Variants in DST observed in about 807,000 individuals in gnomAD.
DST encodes the protein dystonin.
A neutral mutation model predicts 875.2 loss-of-function variants in DST; 253 were observed. The observed-to-expected ratio is 0.29, with a 90% CI of 0.26 to 0.32. The LOEUF (loss-of-function observed/expected upper bound fraction) is 0.32. Ranked by LOEUF, DST falls within the 10% of genes least tolerant of loss-of-function variation. The pLI, the probability that DST is intolerant of heterozygous loss-of-function variation, is 1.00. For missense variants in DST, 8,287 were observed against 9,111.6 expected (o/e 0.91, Z 3.68); for synonymous variants, 3,124 against 3,197.1 (o/e 0.98, Z 0.77).
intron 4 of DST, among the ~76,000 whole-genome samples, chr6:56,752,813 C>T (rs1457019833): frequency 1.3e-5 from 2 of 151,668 alleles, no homozygotes; most frequent in Admixed American, 6.6e-5. Flanking sequence ...TTTTTTGAGA[C>T]GGAGTTTTGC....
At chr6:56,941,656 A>G (rs1300385314) in intron 2 of DST, among the ~76,000 whole-genome samples, 1 of 152,014 alleles carries the variant, frequency 6.6e-6, no homozygotes, top group Non-Finnish European at 1.5e-5. Context: ...TAATTTTTGT[A>G]TTTTTGGAGA....
intron 4 of DST, among the ~76,000 whole-genome samples, chr6:56,749,139 C>T (rs1271657906): frequency 6.6e-6 from 1 of 152,018 alleles, no homozygotes; most frequent in African/African-American, 2.4e-5. Context: ...GGGCAGATCA[C>T]CTCAGGTCAG....
intron 15 of DST, 147 bp downstream of exon 15, chr6:56,645,719 A>T: frequency 1.1e-6 from 1 of 907,032 alleles, no homozygotes; most frequent in South Asian, 1.8e-5. Flanking sequence ...CTCTTAGAAG[A>T]GTTTCTAGGT....
At chr6:56,818,096 AG>A (rs2099768754) in intron 4 of DST, among the ~76,000 whole-genome samples, 1 of 152,226 alleles carries the variant, frequency 6.6e-6, no homozygotes. Flanking sequence ...AACAATGTCC[AG>A]AAGGAACACA....
At chr6:56,687,045 G>C (rs190532446) in intron 9 of DST, among the ~76,000 whole-genome samples, 7 of 152,132 alleles carry the variant, frequency 4.6e-5, no homozygotes, top group Non-Finnish European at 7.3e-5. Flanking sequence ...ACACTGCTGA[G>C]GGAGCTATAC....
chr6:56,459,374 A>G (rs2094204626), intron 103 of DST, 107 bp from the exon 104 acceptor site: 2 of 1,201,400 alleles, frequency 1.7e-6, no homozygotes, highest in Non-Finnish European at 2.3e-6. Flanking sequence ...CCTGGTGTGT[A>G]GTAGGCACTC....
In DST at chr6:56,778,279, T is replaced by C. The variant is rs1033752361; in HGVS notation, c.626-42990A>G. Among the ~76,000 whole-genome samples, 4 of 150,764 alleles carry C rather than the reference T, an allele frequency of 2.7e-5. No homozygotes were observed. In the East Asian group the frequency reaches 5.8e-4, roughly 22 times the overall value. On this transcript the variant is annotated intron_variant, in intron 4 of 103. Coordinates refer to ENST00000680361, the MANE Select transcript of DST (RefSeq NM_001374736.1). ...TGTCCAGGTTATCATGGTACAGAAC[T>C]GAGGCAGAAATATTGCAAGAGGATT...
At chr6:56,598,058 T>C in intron 46 of DST, 52 bp from the exon 47 acceptor site, 2 of 1,462,654 alleles carry the variant, frequency 1.4e-6, no homozygotes, top group Non-Finnish European at 1.8e-6. Context: ...CAAGGCATAG[T>C]TTTAAGACAT....
chr6:56,612,009 T>C (rs539562381), intron 37 of DST, among the ~76,000 whole-genome samples: 1 of 152,310 alleles, frequency 6.6e-6, no homozygotes, highest in East Asian at 1.9e-4. Context: ...GCCAAGCTCC[T>C]AGACACAATG....
At chr6:56,872,973 G>A (rs1778063890) in intron 3 of DST, among the ~76,000 whole-genome samples, 2 of 151,838 alleles carry the variant, frequency 1.3e-5, no homozygotes, top group East Asian at 3.9e-4. Flanking sequence ...TCCTACCAAT[G>A]AGCATTCTCC....
In DST at chr6:56,662,111, G is replaced by A. The variant is rs2099046388; in HGVS notation, c.1214+8530C>T. The stretch of plus-strand genomic sequence containing the variant: ...TAAAAGAAAGAATAGAAAAAAAAGA[G>A]TGGGGCTTAGACCTGCTAAAAGGTA... On this transcript the variant is annotated intron_variant, in intron 10 of 103. Transcript: ENST00000680361. 5.9e-5 allele frequency among the ~76,000 whole-genome samples: 9 copies of A among 152,302 alleles called. No individual in the cohort carries two copies. In the South Asian group the frequency reaches 1.7e-3, roughly 28 times the overall value.
At chr6:56,541,813 T>C (rs2152534027) in intron 61 of DST, among the ~76,000 whole-genome samples, 1 of 152,264 alleles carries the variant, frequency 6.6e-6, no homozygotes, top group South Asian at 2.1e-4. Flanking sequence ...ATAAAGTGCA[T>C]CAATAACAGA....
rs57472891 is a variant in DST at position 56,553,208 on chromosome 6, C to T, written c.15584G>A (p.Cys5195Tyr). ...ATTCTCTCCTTCAGCAGGATCCAAG[C>T]AAAATTTTATTTCCTCCAGGTTGTT... The part of the protein sequence containing the change: ...CQNNLEEIKF[C>Y]LDPAEGENSI... The change falls in exon 61 of 104, where the codon TGC (cysteine) becomes TAC (tyrosine). Residue 5195 changes from cysteine (C) to tyrosine (Y), a missense_variant. Transcript: ENST00000680361. The T allele has an allele frequency of 3.4e-3, 5,543 of 1,613,928 alleles. 152 individuals are homozygous for T. The African/African-American group carries it at 0.064, about 19-fold the overall frequency.
At chr6:56,558,438 T>C (rs1005046800) in intron 58 of DST, among the ~76,000 whole-genome samples, 4 of 152,082 alleles carry the variant, frequency 2.6e-5, no homozygotes, top group Non-Finnish European at 4.4e-5. Context: ...CCCTGAGTTT[T>C]TGATTCAGTA....
intron 36 of DST, chr6:56,618,051 G>C (rs769001471): frequency 2.5e-6 from 4 of 1,614,152 alleles, no homozygotes; most frequent in Admixed American, 3.3e-5. Context: ...CTAACAGGTG[G>C]TCTAGAATTG....
At chr6:56,669,125 G>T (rs2099086645) in intron 10 of DST, among the ~76,000 whole-genome samples, 1 of 151,884 alleles carries the variant, frequency 6.6e-6, no homozygotes, top group Non-Finnish European at 1.5e-5. Context: ...GAACGAGAAA[G>T]TAATCAAACC....
chr6:56,701,047 A>G (rs1267760212), intron 8 of DST, among the ~76,000 whole-genome samples: 1 of 143,840 alleles, frequency 7.0e-6, no homozygotes, highest in Non-Finnish European at 1.5e-5. Context: ...TATTGCAATC[A>G]TGGCTCAACA....
rs1445769686 is a variant in DST at position 56,485,471 on chromosome 6, T to C, written c.21048A>G (p.Arg7016=). The change falls in exon 88 of 104, where the codon AGA becomes AGG. Residue 7016 remains arginine, a splice_region_variant and synonymous_variant. Coordinates refer to ENST00000680361, the MANE Select transcript of DST (RefSeq NM_001374736.1). ...WDTICGKSVE[R]QNKLEEALLF... ...ACAGGGCTTCCTCCAATTTGTTTTG[T>C]CTAGGGAAAAAGGTAGAAAAATTGA... 1 of 1,612,806 alleles carries C rather than the reference T, an allele frequency of 6.2e-7. No individual in the cohort carries two copies. Among genetic ancestry groups the C allele is most frequent in the Non-Finnish European group, 8.5e-7 (1 of 1,179,272 alleles).
chr6:56,912,421 A>G (rs1224039696), intron 2 of DST, among the ~76,000 whole-genome samples: 1 of 152,246 alleles, frequency 6.6e-6, no homozygotes, highest in African/African-American at 2.4e-5. Flanking sequence ...TGTGGCTAGT[A>G]GAGACCCTAT....
Sources: gnomAD v4.1 joint callset for allele counts (sites outside exome capture counted in the v4.1 genomes callset) on GRCh38, gnomAD v4.1.1 for gene constraint, MANE v1.5 for transcripts, NCBI Gene and HGNC (gene_info 2026-07-23, HGNC 2026-07-21) for gene names.